Variants in GREB1L observed in about 807,000 individuals in gnomAD.
GREB1L encodes the protein GREB1 like retinoic acid receptor coactivator, also known as GREB1-like protein.
GREB1L carries 17 observed loss-of-function variants against 200.8 expected under a neutral mutation model. The observed-to-expected ratio is 0.08, with a 90% CI of 0.06 to 0.13. The LOEUF is 0.13. Ranked by LOEUF, GREB1L falls within the 10% of genes least tolerant of loss-of-function variation. The probability of loss-of-function intolerance (pLI) is 1.00; values close to 1 mark genes in which losing one functional copy is unlikely to be tolerated. For missense variants in GREB1L, 1,657 were observed against 2,367.7 expected (o/e 0.70, Z 6.23); for synonymous variants, 789 against 893.0 (o/e 0.88, Z 2.08).
intron 4 of GREB1L, among the ~76,000 whole-genome samples, chr18:21,394,412 C>T (rs189486302): frequency 1.4e-3 from 214 of 152,292 alleles, no homozygotes; most frequent in African/African-American, 5.0e-3. Context: ...ATACATTCTT[C>T]CAAATGACTG....
At position 21,281,258 on chromosome 18, in the gene GREB1L, AC is replaced by A. The variant is rs538920008; in HGVS notation, c.-120+38866del. Among the ~76,000 whole-genome samples the A allele has an allele frequency of 3.6e-3, 552 of 152,262 alleles. 2 individuals are homozygous for A. Among genetic ancestry groups the A allele is most frequent in the African/African-American group, 0.013 (533 of 41,530 alleles). On this transcript the variant is annotated intron_variant, in intron 1 of 32. Transcript: ENST00000424526. Reference sequence around the variant, plus strand: ...GAGGTGGTGTGGTTTATTGTGTAAAACTAGTTGTTTCTAAGCTTCCCTCATT... The same window carrying A: ...GAGGTGGTGTGGTTTATTGTGTAAAATAGTTGTTTCTAAGCTTCCCTCATT...
At chr18:21,369,814 T>G (rs192539211) in intron 2 of GREB1L, among the ~76,000 whole-genome samples, 1 of 151,818 alleles carries the variant, frequency 6.6e-6, no homozygotes, top group Non-Finnish European at 1.5e-5. Flanking sequence ...CCAAGCGTGG[T>G]GGCACGCGCC....
chr18:21,447,169 C>T (rs181520402), intron 11 of GREB1L, among the ~76,000 whole-genome samples: 6 of 152,224 alleles, frequency 3.9e-5, no homozygotes, highest in Admixed American at 2.6e-4. Flanking sequence ...CTTGTAATCT[C>T]AGCACCTTGG....
chr18:21,357,590 G>A (rs540592247), intron 1 of GREB1L, among the ~76,000 whole-genome samples: 227 of 152,178 alleles, frequency 1.5e-3, no homozygotes, highest in African/African-American at 5.3e-3. Context: ...CCATGTTTTC[G>A]TCTAGTAGTT....
chr18:21,516,873 G>A (rs975118060), intron 30 of GREB1L, 119 bp downstream of exon 30: 16 of 914,896 alleles, frequency 1.7e-5, no homozygotes, highest in Non-Finnish European at 2.5e-5. Context: ...AATAACACAA[G>A]GGAGTTTTTT....
chr18:21,499,579 T>A, intron 21 of GREB1L, 150 bp from the exon 22 acceptor site: 1 of 626,974 alleles, frequency 1.6e-6, no homozygotes, highest in Non-Finnish European at 2.8e-6. Context: ...CGGAGCAATG[T>A]GGAGAGCGGC....
At chr18:21,280,572 A>G (rs1212229326) in intron 1 of GREB1L, among the ~76,000 whole-genome samples, 1 of 152,132 alleles carries the variant, frequency 6.6e-6, no homozygotes, top group Non-Finnish European at 1.5e-5. Flanking sequence ...GGTAAAGTAT[A>G]TGTATTTATA....
Position 21,525,870 on chromosome 18 carries a change from T to G in GREB1L, c.*3049T>G, listed in dbSNP as rs578184787. ...TAAAGTGTAGTAAATTAAAAGAATT[T>G]GACATAGATTCCATGAAAACAATCT... On this transcript the variant is annotated 3_prime_UTR_variant, in exon 33 of 33. Transcript: ENST00000424526. Among the ~76,000 whole-genome samples, 1 of 80,236 alleles carries G rather than the reference T, an allele frequency of 1.2e-5. No individual in the cohort carries two copies. Among genetic ancestry groups the G allele is most frequent in the African/African-American group, 2.6e-5 (1 of 38,542 alleles). The allele number at this position is 80,236 out of a possible 152,430, so 52.6% of individuals were successfully genotyped here.
Position 21,412,332 on chromosome 18 carries a change from G to T in GREB1L, c.832+8338G>T, listed in dbSNP as rs1221718382. On this transcript the variant is annotated intron_variant, in intron 7 of 32. Transcript: ENST00000424526. ...GGGAGCTGAGGCAGGAGGATCTCTT[G>T]AGCCTGGGAGGTCAAGGCCGCAGTG... Among the ~76,000 whole-genome samples the T allele has an allele frequency of 2.0e-5, 3 of 152,064 alleles. No individual in the cohort carries two copies. The East Asian group carries it at 5.8e-4, about 29-fold the overall frequency.
At chr18:21,307,792 C>T (rs1054281450) in intron 1 of GREB1L, among the ~76,000 whole-genome samples, 1 of 152,130 alleles carries the variant, frequency 6.6e-6, no homozygotes, top group Non-Finnish European at 1.5e-5. Context: ...TATTCTCCTG[C>T]TCCCTCCTTG....
At chr18:21,245,653 C>A (rs1279388313) in intron 1 of GREB1L, among the ~76,000 whole-genome samples, 3 of 152,106 alleles carry the variant, frequency 2.0e-5, no homozygotes, top group Non-Finnish European at 4.4e-5. Context: ...CTTAAGCCTT[C>A]CTGTTTTTGA....
chr18:21,519,983 C>T (rs2037556736), intron 31 of GREB1L, among the ~76,000 whole-genome samples: 1 of 150,534 alleles, frequency 6.6e-6, no homozygotes, highest in African/African-American at 2.5e-5. Flanking sequence ...TGCAATGGTG[C>T]AATCTCGGCT....
chr18:21,394,306 A>G (rs551827688), intron 4 of GREB1L, among the ~76,000 whole-genome samples: 1 of 152,332 alleles, frequency 6.6e-6, no homozygotes, highest in South Asian at 2.1e-4. Context: ...GGGAAGTCAT[A>G]TGATTACAGT....
rs1001688050 is a variant in GREB1L, at chr18:21,411,268, G to A, written c.832+7274G>A. 6.0e-5 allele frequency among the ~76,000 whole-genome samples: 9 copies of A among 151,240 alleles called. No individual in the cohort carries two copies. In the South Asian group the frequency reaches 8.4e-4, roughly 14 times the overall value. On this transcript the variant is annotated intron_variant, in intron 7 of 32. Transcript: ENST00000424526. ...GTCGCCCAGGCTGGAGTGCAGTGGCGCCATCTCAGCTCACTGCAAGCCCCG... is the reference window on the plus strand; with the variant it reads ...GTCGCCCAGGCTGGAGTGCAGTGGCACCATCTCAGCTCACTGCAAGCCCCG...
intron 7 of GREB1L, among the ~76,000 whole-genome samples, chr18:21,407,364 A>T (rs1598775698): frequency 6.6e-6 from 1 of 152,340 alleles, no homozygotes; most frequent in East Asian, 1.9e-4. Context: ...CTAACTCAGG[A>T]TCTTGAAAAT....
chr18:21,500,975 A>G (rs138674346), intron 23 of GREB1L, among the ~76,000 whole-genome samples: 1 of 151,810 alleles, frequency 6.6e-6, no homozygotes, highest in Non-Finnish European at 1.5e-5. Context: ...AGGCTGAGGC[A>G]GGAGAATCAC....
intron 1 of GREB1L, among the ~76,000 whole-genome samples, chr18:21,325,768 T>TA (rs1750029661): frequency 7.2e-6 from 1 of 138,784 alleles, no homozygotes; most frequent in African/African-American, 2.7e-5. Flanking sequence ...AGCCGTGAAT[T>TA]ATGCCACTGC....
At chr18:21,457,770 G>A (rs1277682450) in intron 15 of GREB1L, among the ~76,000 whole-genome samples, 2 of 152,276 alleles carry the variant, frequency 1.3e-5, no homozygotes, top group South Asian at 2.1e-4. Context: ...ATGTTAAAAT[G>A]TACGGAGAAA....
chr18:21,357,307 C>T (rs1413852781), intron 1 of GREB1L, among the ~76,000 whole-genome samples: 1 of 152,260 alleles, frequency 6.6e-6, no homozygotes, highest in African/African-American at 2.4e-5. Context: ...CCGCCTCAGC[C>T]TCCCAAAGTG....
Sources: gnomAD v4.1 joint callset for allele counts (sites outside exome capture counted in the v4.1 genomes callset) on GRCh38, gnomAD v4.1.1 for gene constraint, MANE v1.5 for transcripts, NCBI Gene and HGNC (gene_info 2026-07-23, HGNC 2026-07-21) for gene names.